LPP: variants seen among roughly 807,000 people sequenced by gnomAD.
LPP encodes LIM domain containing preferred translocation partner in lipoma.
LPP carries 38 observed loss-of-function variants against 60.4 expected under a neutral mutation model. The ratio of observed to expected loss-of-function variants is 0.63; its 90% CI spans 0.49 to 0.83. The LOEUF (loss-of-function observed/expected upper bound fraction) is 0.83, where lower values mean the gene tolerates loss of function less well. LPP is among the 40% of genes least tolerant of loss of function. The pLI, the probability that LPP is intolerant of heterozygous loss-of-function variation, is 0.00. For missense variants in LPP, 902 were observed against 783.6 expected (o/e 1.15, Z -1.80); for synonymous variants, 328 against 290.8 (o/e 1.13, Z -1.30).
intron 1 of LPP, among the ~76,000 whole-genome samples, chr3:188,218,925 C>G (rs1206170937): frequency 1.3e-5 from 2 of 152,046 alleles, no homozygotes; most frequent in Non-Finnish European, 2.9e-5. Flanking sequence ...CAATTTGGCA[C>G]AAAAAGATGT....
At chr3:188,384,500 A>C (rs1777700900) in intron 3 of LPP, among the ~76,000 whole-genome samples, 1 of 152,124 alleles carries the variant, frequency 6.6e-6, no homozygotes, top group East Asian at 1.9e-4. Flanking sequence ...CAGAAGAAAA[A>C]AATTCAGAAG....
chr3:188,431,559 T>TGA (rs1423280505), intron 4 of LPP, among the ~76,000 whole-genome samples: 15 of 152,266 alleles, frequency 9.9e-5, no homozygotes, highest in South Asian at 4.1e-4. Context: ...AGAGTCAAGC[T>TGA]GAGTTTATCT....
At chr3:188,732,061 C>G (rs576781643) in intron 8 of LPP, among the ~76,000 whole-genome samples, 1 of 152,248 alleles carries the variant, frequency 6.6e-6, no homozygotes, top group East Asian at 1.9e-4. Flanking sequence ...CCTAATCTTG[C>G]GTAGTCTTTC....
At chr3:188,782,238 T>A (rs1740022606) in intron 9 of LPP, among the ~76,000 whole-genome samples, 1 of 152,154 alleles carries the variant, frequency 6.6e-6, no homozygotes, top group Non-Finnish European at 1.5e-5. Flanking sequence ...AAATATCAAA[T>A]CCAAAGATCA....
chr3:188,382,451 C>T (rs1242260925), intron 3 of LPP, among the ~76,000 whole-genome samples: 1 of 152,180 alleles, frequency 6.6e-6, no homozygotes, highest in African/African-American at 2.4e-5. Context: ...TACCCTGTCT[C>T]TCTCACAGAA....
chr3:188,406,029 A>G (rs1783410525), intron 3 of LPP, 83 bp from the exon 4 acceptor site: 4 of 1,222,212 alleles, frequency 3.3e-6, no homozygotes, highest in South Asian at 1.5e-5. Flanking sequence ...TTTAGTATGG[A>G]TTAAGGTGAA....
chr3:188,250,772 T>TTCTGTCTGTCTTTCTTTC (rs1344982047), intron 2 of LPP, among the ~76,000 whole-genome samples: 61 of 111,098 alleles, frequency 5.5e-4, no homozygotes, highest in African/African-American at 2.5e-3. Flanking sequence ...CTTTCTTTCT[T>TTCTGTCTGTCTTTCTTTC]TCTTTCTTTC....
At chr3:188,759,698 A>G (rs1731505896) in intron 8 of LPP, among the ~76,000 whole-genome samples, 1 of 152,152 alleles carries the variant, frequency 6.6e-6, no homozygotes, top group Non-Finnish European at 1.5e-5. Context: ...TTCTAACTGG[A>G]TGTGTAGAAT....
intron 9 of LPP, among the ~76,000 whole-genome samples, chr3:188,863,497 G>T (rs577606094): frequency 2.6e-4 from 39 of 152,274 alleles, no homozygotes; most frequent in Middle Eastern, 6.8e-3. Flanking sequence ...TGGAATGAGA[G>T]TCTGGACTAA....
intron 1 of LPP, among the ~76,000 whole-genome samples, chr3:188,196,089 C>A (rs1361330825): frequency 2.0e-5 from 3 of 152,194 alleles, no homozygotes; most frequent in African/African-American, 7.2e-5. Context: ...GGTGCTGTTT[C>A]TGTTGACCAC....
chr3:188,799,694 G>T (rs1378109622), intron 9 of LPP, among the ~76,000 whole-genome samples: 1 of 152,114 alleles, frequency 6.6e-6, no homozygotes, highest in Non-Finnish European at 1.5e-5. Flanking sequence ...TCACAAAAAG[G>T]TACGTAAGTG....
intron 3 of LPP, among the ~76,000 whole-genome samples, chr3:188,369,255 T>C (rs1278422877): frequency 6.6e-6 from 1 of 152,154 alleles, no homozygotes; most frequent in African/African-American, 2.4e-5. Context: ...TTTCTTGTTT[T>C]AGGCAGAAGC....
intron 8 of LPP, among the ~76,000 whole-genome samples, chr3:188,759,040 T>C (rs1731273640): frequency 6.6e-6 from 1 of 152,176 alleles, no homozygotes; most frequent in African/African-American, 2.4e-5. Context: ...AATTATTAGA[T>C]AGAATTTTTT....
At chr3:188,392,014 C>A (rs1241089753) in intron 3 of LPP, among the ~76,000 whole-genome samples, 1 of 152,210 alleles carries the variant, frequency 6.6e-6, no homozygotes, top group Admixed American at 6.5e-5. Context: ...ACCTGCAAGA[C>A]AGCCTGTGCA....
At chr3:188,608,763 A>G (rs75729938) in intron 6 of LPP, among the ~76,000 whole-genome samples, 2 of 152,166 alleles carry the variant, frequency 1.3e-5, no homozygotes, top group South Asian at 2.1e-4. Context: ...TTTGGGTAGG[A>G]TATACATTCT....
rs527282667 is a variant in LPP, at chr3:188,822,959, G to A, written c.1411-43241G>A. Among the ~76,000 whole-genome samples, 4 of 152,132 alleles carry A rather than the reference G, an allele frequency of 2.6e-5. No homozygotes were observed. The South Asian group carries it at 8.3e-4, about 32-fold the overall frequency. ...ACAGAAAACTGTAAACTTTTTATTA[G>A]GGCAGGTTTTTTTGTGCAAAAGCCT... On this transcript the variant is annotated intron_variant, in intron 9 of 11. Coordinates refer to ENST00000617246, the MANE Select transcript of LPP (RefSeq NM_001375462.1).
At chr3:188,529,842 C>A (rs1301508981) in intron 6 of LPP, among the ~76,000 whole-genome samples, 1 of 152,134 alleles carries the variant, frequency 6.6e-6, no homozygotes, top group Admixed American at 6.5e-5. Flanking sequence ...CCGTAAGTAA[C>A]CCAAAGGGAC....
At chr3:188,747,136 G>C (rs9858941) in intron 8 of LPP, among the ~76,000 whole-genome samples, 142,827 of 152,262 alleles carry the variant, frequency 0.94, 67,029 homozygotes, top group East Asian at 1. Flanking sequence ...GTTCCATTTC[G>C]CAAAACTTTC....
intron 1 of LPP, among the ~76,000 whole-genome samples, chr3:188,220,688 T>A (rs1715447758): frequency 1.3e-5 from 2 of 151,960 alleles, no homozygotes; most frequent in Non-Finnish European, 2.9e-5. Flanking sequence ...ATTCAAGGAG[T>A]TGGGTGGGAC....
Sources: gnomAD v4.1 joint callset for allele counts (sites outside exome capture counted in the v4.1 genomes callset) on GRCh38, gnomAD v4.1.1 for gene constraint, MANE v1.5 for transcripts, NCBI Gene and HGNC (gene_info 2026-07-23, HGNC 2026-07-21) for gene names.